The following STOX2 variants were observed in gnomAD, a reference collection of about 807,000 sequenced individuals.
STOX2 encodes the protein storkhead box 2, also known as storkhead-box protein 2.
Under a neutral mutation model 60.9 loss-of-function variants are expected in STOX2, and 28 were observed. The ratio of observed to expected loss-of-function variants is 0.46; its 90% CI spans 0.34 to 0.63. The LOEUF is 0.63. Ranked by LOEUF, STOX2 falls within the 30% of genes least tolerant of loss-of-function variation. The pLI is 0.01. For missense variants in STOX2, 1,024 were observed against 1,187.7 expected, an observed-to-expected ratio of 0.86 and a Z score of 2.03; for synonymous variants, 472 against 463.9, an observed-to-expected ratio of 1.02 and a Z score of -0.22.
chr4:183,930,048 A>G (rs887693197), intron 1 of STOX2, among the ~76,000 whole-genome samples: 13 of 151,818 alleles, frequency 8.6e-5, no homozygotes, highest in African/African-American at 3.1e-4. Context: ...TATTTTTAGT[A>G]GAGATGGAGT....
chr4:183,894,387 T>C (rs940214015), intron 1 of STOX2, among the ~76,000 whole-genome samples: 9 of 152,186 alleles, frequency 5.9e-5, no homozygotes, highest in African/African-American at 2.2e-4. Context: ...ATGTTTCAGA[T>C]GAACTCAGCA....
At chr4:183,819,859 G>A (rs764978167) in intron 1 of STOX2, among the ~76,000 whole-genome samples, 7 of 152,146 alleles carry the variant, frequency 4.6e-5, no homozygotes, top group African/African-American at 7.2e-5. Flanking sequence ...GCAAACTGCC[G>A]TTGCCTTTGG....
intron 1 of STOX2, among the ~76,000 whole-genome samples, chr4:183,885,184 C>G (rs1431381126): frequency 7.9e-5 from 12 of 152,184 alleles, no homozygotes; most frequent in Non-Finnish European, 1.3e-4. Context: ...CACCGCCCCC[C>G]ACCCACCTTT....
intron 1 of STOX2, among the ~76,000 whole-genome samples, chr4:183,956,878 A>C (rs1743265485): frequency 1.3e-5 from 2 of 151,768 alleles, no homozygotes; most frequent in Non-Finnish European, 2.9e-5. Flanking sequence ...TGTTTTGCAG[A>C]ATATTCCTCA....
intron 1 of STOX2, among the ~76,000 whole-genome samples, chr4:183,959,464 G>A (rs934449931): frequency 6.6e-6 from 1 of 152,172 alleles, no homozygotes; most frequent in Non-Finnish European, 1.5e-5. Context: ...TCCACTGCAA[G>A]GCTGCCGTTC....
chr4:184,001,482 C>A lies in STOX2; in HGVS notation c.319+5C>A, dbSNP rs376665992. ...ACCTGACCACGTGCTTCCCAGGTAACGAGGCGGGAACGTAGCACTTTCCAG... is the reference window on the plus strand; with the variant it reads ...ACCTGACCACGTGCTTCCCAGGTAAAGAGGCGGGAACGTAGCACTTTCCAG... On this transcript the variant is annotated splice_donor_5th_base_variant and intron_variant, in intron 2 of 3. Coordinates refer to ENST00000308497, the MANE Select transcript of STOX2 (RefSeq NM_020225.3). This position sits in a 1 kb window ranked among gnomAD's most constrained non-coding sequence, Gnocchi z 4.2. The A allele has an allele frequency of 1.2e-6, 2 of 1,613,386 alleles. No individual in the cohort carries two copies. Among genetic ancestry groups the A allele is most frequent in the Non-Finnish European group, 1.7e-6 (2 of 1,179,690 alleles).
At position 183,893,122 on chromosome 4, in the gene STOX2, T is replaced by TC. The variant is rs542368035; in HGVS notation, c.364+95071dup. ...GGGTCCAACTTTCTTTTTTTTTTTTTCCCCTCTCCCTCACTGTCTTTAATT... is the reference window on the plus strand; with the variant it reads ...GGGTCCAACTTTCTTTTTTTTTTTTTCCCCCTCTCCCTCACTGTCTTTAATT... On this transcript the variant is annotated intron_variant, in intron 1 of 2. Coordinates refer to the STOX2 transcript ENST00000513034. Among the ~76,000 whole-genome samples, 27 of 146,644 alleles carry TC rather than the reference T, an allele frequency of 1.8e-4. No individual in the cohort carries two copies. In the South Asian group the frequency reaches 3.9e-3, roughly 21 times the overall value.
At chr4:183,828,690 CT>C (rs1182399953) in intron 1 of STOX2, among the ~76,000 whole-genome samples, 3 of 152,178 alleles carry the variant, frequency 2.0e-5, no homozygotes, top group Non-Finnish European at 4.4e-5. Context: ...CTGAAAATGT[CT>C]TGACAAATGA....
rs886730518 is a variant in STOX2, at chr4:183,836,436, A to G, written c.364+38381A>G. Among the ~76,000 whole-genome samples, 1 of 152,200 alleles carries G rather than the reference A, an allele frequency of 6.6e-6. No individual in the cohort carries two copies. Among genetic ancestry groups the G allele is most frequent in the Non-Finnish European group, 1.5e-5 (1 of 68,026 alleles). On this transcript the variant is annotated intron_variant, in intron 1 of 2. Transcript: ENST00000513034. This position sits in a 1 kb window ranked among gnomAD's most constrained non-coding sequence, Gnocchi z 4.1. ...TGCTGAAATAACGTCTCAGTGGCTT[A>G]ACACATTAAGCCTCATTTCTTCTTC...
At chr4:183,816,669 A>G (rs752629763) in intron 1 of STOX2, among the ~76,000 whole-genome samples, 3 of 152,246 alleles carry the variant, frequency 2.0e-5, no homozygotes, top group African/African-American at 4.8e-5. Context: ...ATTCAAAAAA[A>G]TTTAAATGGT....
chr4:184,000,902 TC>T (rs1246764870), intron 1 of STOX2, among the ~76,000 whole-genome samples: 2 of 152,054 alleles, frequency 1.3e-5, no homozygotes, highest in Admixed American at 6.6e-5. Context: ...CAGCTCCCGT[TC>T]CCCCAGCAGA....
intron 1 of STOX2, among the ~76,000 whole-genome samples, chr4:183,854,920 T>G (rs1169227506): frequency 6.6e-6 from 1 of 152,196 alleles, no homozygotes; most frequent in African/African-American, 2.4e-5. Flanking sequence ...TTTGGCAACA[T>G]TAAAATCTTA....
chr4:183,966,207 C>A (rs1743561858), intron 1 of STOX2, among the ~76,000 whole-genome samples: 1 of 152,012 alleles, frequency 6.6e-6, no homozygotes, highest in Non-Finnish European at 1.5e-5. Flanking sequence ...GTGGGCCTGC[C>A]CCTGTGGGGC....
chr4:183,951,225 A>AAG (rs923514790), intron 1 of STOX2, among the ~76,000 whole-genome samples: 11 of 59,726 alleles, frequency 1.8e-4, no homozygotes, highest in African/African-American at 7.8e-4. Flanking sequence ...AAAAAAAAAG[A>AAG]AAAAAAAAAA....
rs914754351 is a variant in STOX2 at position 183,805,969 on chromosome 4, A to G, written c.364+7914A>G. Among the ~76,000 whole-genome samples the G allele has an allele frequency of 3.9e-5, 6 of 152,194 alleles. No individual in the cohort carries two copies. In the East Asian group the frequency reaches 1.2e-3, roughly 29 times the overall value. On this transcript the variant is annotated intron_variant, in intron 1 of 2. Coordinates refer to the STOX2 transcript ENST00000513034. ...GGCGGTGTGTCTTTGAGAATTTGAT[A>G]AATGGATAAATGACTTAGATAAAGA...
intron 1 of STOX2, among the ~76,000 whole-genome samples, chr4:183,881,720 T>C (rs1330170911): frequency 6.6e-6 from 1 of 152,222 alleles, no homozygotes; most frequent in African/African-American, 2.4e-5. Context: ...AATTTTTCTA[T>C]GTTTAATTGT....
At chr4:183,942,386 A>G (rs1742778176) in intron 1 of STOX2, among the ~76,000 whole-genome samples, 1 of 151,234 alleles carries the variant, frequency 6.6e-6, no homozygotes. Context: ...AAACAAAAAC[A>G]AAACTTGGAT....
At chr4:183,824,048 G>A (rs577520346) in intron 1 of STOX2, among the ~76,000 whole-genome samples, 24 of 152,328 alleles carry the variant, frequency 1.6e-4, no homozygotes, top group African/African-American at 5.3e-4. Context: ...GTTTCCATGA[G>A]ATCCATTTGT....
chr4:183,906,453 G>GCGC lies in STOX2; in HGVS notation c.-337_-336insGCC. 1 of 155,280 alleles carries GCGC rather than the reference G, an allele frequency of 6.4e-6. No homozygotes were observed. The highest frequency in any genetic ancestry group is 1.4e-5 in the Non-Finnish European group (1 of 70,700). 9.6% of individuals were successfully genotyped at this position (155,280 alleles called of 1,614,324 possible). ...TTGCCTTCACGCTGCAAGTCTCGGC[G>GCGC]CCCCCACCCCGCCCGCCCCCTCCCC... On this transcript the variant is annotated 5_prime_UTR_variant, in exon 1 of 4. Transcript: ENST00000308497.
Sources: gnomAD v4.1 joint callset for allele counts (sites outside exome capture counted in the v4.1 genomes callset) on GRCh38, gnomAD v4.1.1 for gene constraint, Gnocchi (gnomAD v3.1) non-coding constraint, MANE v1.5 for transcripts, NCBI Gene and HGNC (gene_info 2026-07-23, HGNC 2026-07-21) for gene names.